The following CMIP variants were observed in gnomAD, a reference collection of about 807,000 sequenced individuals.
The protein encoded by CMIP is c-Maf inducing protein, also known as C-Maf-inducing protein.
In CMIP, 13 loss-of-function variants were observed where a neutral mutation model predicts 97.3. That is an observed-to-expected ratio of 0.13 (90% CI 0.09 to 0.21). The LOEUF is 0.21. Among genes scored for constraint, CMIP ranks in the 10% least tolerant of loss-of-function variants. CMIP has a pLI of 1.00. For missense variants in CMIP, 847 were observed against 1,024.9 expected (o/e 0.83, Z 2.37); for synonymous variants, 538 against 436.3 (o/e 1.23, Z -2.91).
chr16:81,448,679 C>T (rs954880388), intron 1 of CMIP, among the ~76,000 whole-genome samples: 8 of 152,226 alleles, frequency 5.3e-5, no homozygotes, highest in Admixed American at 1.3e-4. Flanking sequence ...TTGTGACGGC[C>T]GCCAGGTCTG....
At chr16:81,558,204 G>A (rs2090805882) in intron 1 of CMIP, among the ~76,000 whole-genome samples, 1 of 152,218 alleles carries the variant, frequency 6.6e-6, no homozygotes, top group Admixed American at 6.5e-5. Context: ...CAGAGGACAC[G>A]AGGTTGCTTC....
intron 1 of CMIP, chr16:81,495,240 C>T: frequency 4.0e-6 from 5 of 1,262,420 alleles, no homozygotes; most frequent in Non-Finnish European, 5.2e-6. Context: ...GAAACAGACA[C>T]TGATGGTCAG....
intron 3 of CMIP, among the ~76,000 whole-genome samples, chr16:81,634,223 C>A (rs1597173150): frequency 6.6e-6 from 1 of 152,232 alleles, no homozygotes; most frequent in East Asian, 1.9e-4. Flanking sequence ...GGGGAAAGAA[C>A]AATAAACATC....
At chr16:81,599,394 A>G (rs979322337) in intron 1 of CMIP, among the ~76,000 whole-genome samples, 4 of 152,180 alleles carry the variant, frequency 2.6e-5, no homozygotes, top group Admixed American at 2.6e-4. Flanking sequence ...GTGAGATTAA[A>G]AAGAACATGA....
chr16:81,547,888 G>T (rs1475672218), intron 1 of CMIP, among the ~76,000 whole-genome samples: 3 of 152,138 alleles, frequency 2.0e-5, no homozygotes, highest in Non-Finnish European at 4.4e-5. Flanking sequence ...ACAAAGGAAT[G>T]CCCAGGGAGC....
intron 1 of CMIP, among the ~76,000 whole-genome samples, chr16:81,514,933 C>G (rs990211295): frequency 9.2e-5 from 14 of 152,148 alleles, no homozygotes; most frequent in African/African-American, 3.4e-4. Flanking sequence ...GCGCTGGGGT[C>G]CAGTAACAGA....
At chr16:81,467,238 A>G (rs1422626115) in intron 1 of CMIP, among the ~76,000 whole-genome samples, 5 of 152,244 alleles carry the variant, frequency 3.3e-5, no homozygotes, top group African/African-American at 9.6e-5. Flanking sequence ...TCCCGCAACC[A>G]GTCTGAGTGC....
intron 1 of CMIP, among the ~76,000 whole-genome samples, chr16:81,461,057 A>G (rs1340384609): frequency 6.6e-6 from 1 of 152,210 alleles, no homozygotes; most frequent in Non-Finnish European, 1.5e-5. Flanking sequence ...CGAGGTTACC[A>G]CGCTTCCTGG....
In CMIP at chr16:81,679,747, G is replaced by A. The variant is rs113860196; in HGVS notation, c.1388+1119G>A. Among the ~76,000 whole-genome samples, 31 of 152,174 alleles carry A rather than the reference G, an allele frequency of 2.0e-4. 1 individual carries two copies. Among genetic ancestry groups the A allele is most frequent in the African/African-American group, 7.0e-4 (29 of 41,506 alleles). Reference sequence around the variant, plus strand: ...CTCTGTGACTCTAGGGTGGAGGGGAGTACAGTTCTTAATCCTTGACCCCTA... The same window carrying A: ...CTCTGTGACTCTAGGGTGGAGGGGAATACAGTTCTTAATCCTTGACCCCTA... On this transcript the variant is annotated intron_variant, in intron 10 of 20. Transcript: ENST00000537098.
intron 3 of CMIP, among the ~76,000 whole-genome samples, chr16:81,642,888 T>TC (rs1308334947): frequency 6.6e-6 from 1 of 150,980 alleles, no homozygotes; most frequent in East Asian, 2.0e-4. Flanking sequence ...AGAGTGAGAC[T>TC]CCATCTCGCA....
chr16:81,474,782 T>C lies in CMIP; in HGVS notation c.300+29241T>C, dbSNP rs9935617. ...CTCCTGCACGCCCTTCCTGCCTCCT[T>C]GGTGCCAGGGGAGCCAGCCCAGGAC... On this transcript the variant is annotated intron_variant, in intron 1 of 20. Coordinates refer to ENST00000537098, the MANE Select transcript of CMIP (RefSeq NM_198390.3). Among the ~76,000 whole-genome samples the C allele has an allele frequency of 6.1e-3, 925 of 151,638 alleles. 11 individuals are homozygous for C. The highest frequency in any genetic ancestry group is 0.021 in the African/African-American group (858 of 41,474).
At chr16:81,705,625 T>G (rs1908045421) in intron 19 of CMIP, 21 bp downstream of exon 19, 1 of 1,529,582 alleles carries the variant, frequency 6.5e-7, no homozygotes, top group Non-Finnish European at 8.9e-7. Context: ...CCGGGGCAGC[T>G]GGGGGGTGAG....
chr16:81,702,496 C>T (rs1567674381), intron 16 of CMIP, 126 bp from the exon 17 acceptor site: 1 of 971,492 alleles, frequency 1.0e-6, no homozygotes, highest in Non-Finnish European at 1.6e-6. Context: ...GAGACCAAGA[C>T]CACCGTGTTG....
rs2091985694 is a variant in CMIP, at chr16:81,621,056, G to A, written c.477+130G>A. On this transcript the variant is annotated intron_variant, in intron 3 of 20. Coordinates refer to ENST00000537098, the MANE Select transcript of CMIP (RefSeq NM_198390.3). This position sits in a 1 kb window ranked among gnomAD's most constrained non-coding sequence, Gnocchi z 4.1. ...CCAGATGGCTCAGCTGAGGAACTTT[G>A]TTCCCCTACCTAAGAGCCCCTGGCC... 2 of 1,127,650 alleles carry A rather than the reference G, an allele frequency of 1.8e-6. No homozygotes were observed. The highest frequency in any genetic ancestry group is 5.1e-5 in the East Asian group (2 of 38,998). 69.9% of individuals were successfully genotyped at this position (1,127,650 alleles called of 1,614,324 possible). A position where few individuals can be genotyped will look rare whatever the true frequency, so the allele number is the denominator to read the frequency against.
chr16:81,654,433 C>G (rs1483036383), intron 4 of CMIP, among the ~76,000 whole-genome samples: 2 of 152,072 alleles, frequency 1.3e-5, no homozygotes, highest in Admixed American at 1.3e-4. Context: ...GGCAGCTGAC[C>G]CTTAAGTGCT....
chr16:81,581,016 A>G (rs183651091), intron 1 of CMIP, among the ~76,000 whole-genome samples: 7 of 152,214 alleles, frequency 4.6e-5, no homozygotes, highest in Admixed American at 1.3e-4. Context: ...TAGCAGTACA[A>G]TCACACAGTA....
intron 10 of CMIP, 126 bp from the exon 11 acceptor site, chr16:81,691,649 A>G (rs1597256237): frequency 1.4e-6 from 1 of 727,264 alleles, no homozygotes; most frequent in East Asian, 2.7e-5. Context: ...AAGTGGGTGG[A>G]GAAGTCAGTG....
At position 81,627,871 on chromosome 16, in the gene CMIP, C is replaced by T. The variant is rs2092096022; in HGVS notation, c.477+6945C>T. The stretch of plus-strand genomic sequence containing the variant: ...GGGAGCTGGCGCTGGGGGACCACAA[C>T]CCTCAAAGTCCCCAGCACCAAGGCA... On this transcript the variant is annotated intron_variant, in intron 3 of 20. Coordinates refer to ENST00000537098, the MANE Select transcript of CMIP (RefSeq NM_198390.3). The surrounding 1 kb of genome is among the most constrained non-coding windows in gnomAD (Gnocchi z 4.6). 6.6e-6 allele frequency among the ~76,000 whole-genome samples: 1 copy of T among 152,174 alleles called. No individual in the cohort carries two copies. Among genetic ancestry groups the T allele is most frequent in the Admixed American group, 6.5e-5 (1 of 15,288 alleles).
chr16:81,468,959 C>G (rs1192912645), intron 1 of CMIP, among the ~76,000 whole-genome samples: 1 of 152,200 alleles, frequency 6.6e-6, no homozygotes, highest in Admixed American at 6.5e-5. Flanking sequence ...CTTTGGACTT[C>G]AACATGGAAG....
Sources: allele counts gnomAD v4.1 joint callset (sites outside exome capture counted in the v4.1 genomes callset), GRCh38; gene constraint gnomAD v4.1.1; non-coding constraint Gnocchi (gnomAD v3.1); transcripts MANE v1.5; gene names NCBI Gene and HGNC (gene_info 2026-07-23, HGNC 2026-07-21).